Variants in ADHFE1 observed in about 807,000 individuals in gnomAD.
The protein encoded by ADHFE1 is hydroxyacid-oxoacid transhydrogenase, mitochondrial.
In ADHFE1, 37 loss-of-function variants were observed where a neutral mutation model predicts 54.8. The observed-to-expected ratio is 0.68, with a 90% CI of 0.52 to 0.89. The LOEUF (loss-of-function observed/expected upper bound fraction) is 0.89, where lower values mean the gene tolerates loss of function less well. Among genes scored for constraint, ADHFE1 ranks in the 40% least tolerant of loss-of-function variants. ADHFE1 has a pLI of 0.00. For synonymous variants in ADHFE1, 203 were observed against 229.3 expected (o/e 0.89, Z 1.04); for missense variants, 601 against 591.2 (o/e 1.02, Z -0.17).
intron 3 of ADHFE1, among the ~76,000 whole-genome samples, chr8:66,443,060 T>C (rs1392418457): frequency 6.6e-6 from 1 of 152,160 alleles, no homozygotes; most frequent in African/African-American, 2.4e-5. Context: ...GCTGTCTTTG[T>C]AGAGTCACTA....
Position 66,460,374 on chromosome 8 carries a change from T to A in ADHFE1, c.1229T>A (p.Phe410Tyr), listed in dbSNP as rs1563494875. 1.2e-6 allele frequency: 2 copies of A among 1,614,134 alleles called. No homozygotes were observed. Among genetic ancestry groups the A allele is most frequent in the Non-Finnish European group, 1.7e-6 (2 of 1,180,006 alleles). ...GLVLADTLRK[F>Y]LFDLDVDDGL... ...GTGTTGGCAGACACGCTCCGGAAAT[T>A]CTTATTCGATCTGGATGTTGATGAT... Residue 410 changes from phenylalanine to tyrosine, a missense_variant, in exon 13 of 14, where the codon TTC (phenylalanine) becomes TAC (tyrosine). Physicochemically the swap from Phe to Tyr is conservative, Grantham distance 22. Coordinates refer to ENST00000396623, the MANE Select transcript of ADHFE1 (RefSeq NM_144650.3).
At chr8:66,441,143 T>C (rs1805724348) in intron 2 of ADHFE1, among the ~76,000 whole-genome samples, 1 of 152,256 alleles carries the variant, frequency 6.6e-6, no homozygotes, top group Non-Finnish European at 1.5e-5. Context: ...ATTTCCTATT[T>C]GAGGGAATAA....
chr8:66,458,868 G>A (rs1182083804), intron 12 of ADHFE1, among the ~76,000 whole-genome samples: 2 of 151,962 alleles, frequency 1.3e-5, no homozygotes, highest in Non-Finnish European at 2.9e-5. Context: ...GTGTTTTATG[G>A]CAGTATTCCC....
rs954535872 is a variant in ADHFE1 at position 66,439,439 on chromosome 8, C to A, written c.60-723C>A. On this transcript the variant is annotated intron_variant, in intron 1 of 13. Coordinates refer to ENST00000396623, the MANE Select transcript of ADHFE1 (RefSeq NM_144650.3). This position sits in a 1 kb window ranked among gnomAD's most constrained non-coding sequence, Gnocchi z 4.4. ...GAGACGACCAGGACAGGAAGAGGGA[C>A]CACAGCCAGGGGAGGGAGGGTTTCC... 62 of 985,950 alleles carry A rather than the reference C, an allele frequency of 6.3e-5. No individual in the cohort carries two copies. Among genetic ancestry groups the A allele is most frequent in the Middle Eastern group, 5.1e-4 (1 of 1,942 alleles). 61.1% of individuals were successfully genotyped at this position (985,950 alleles called of 1,614,324 possible).
chr8:66,438,343 G>A (rs1405847861), intron 1 of ADHFE1, among the ~76,000 whole-genome samples: 2 of 152,114 alleles, frequency 1.3e-5, no homozygotes, highest in African/African-American at 4.8e-5. Flanking sequence ...TGAGGGAGGA[G>A]GAAGGGTCAG....
chr8:66,456,473 T>C (rs1806589421), intron 10 of ADHFE1, among the ~76,000 whole-genome samples: 1 of 152,210 alleles, frequency 6.6e-6, no homozygotes, highest in Non-Finnish European at 1.5e-5. Flanking sequence ...AGAAAACACA[T>C]GCCCAGAGCT....
At chr8:66,438,830 G>A (rs1805593590) in intron 1 of ADHFE1, among the ~76,000 whole-genome samples, 1 of 150,704 alleles carries the variant, frequency 6.6e-6, no homozygotes, top group African/African-American at 2.5e-5. Context: ...GTAAGAAGTA[G>A]AAATAATGAA....
In ADHFE1 at chr8:66,445,125, A is replaced by AC; in HGVS notation, c.354-89dup. 4 of 1,257,292 alleles carry AC rather than the reference A, an allele frequency of 3.2e-6. No individual in the cohort carries two copies. In the South Asian group the frequency reaches 6.3e-5, roughly 20 times the overall value. 77.9% of individuals were successfully genotyped at this position (1,257,292 alleles called of 1,614,324 possible). On this transcript the variant is annotated intron_variant, in intron 5 of 13. Coordinates refer to ENST00000396623, the MANE Select transcript of ADHFE1 (RefSeq NM_144650.3). ...CAAAAAAAAAACAAAAACAAAAAAA[A>AC]CCCCACAAAACTTACCCCAAGCCTT...
At chr8:66,436,477 A>G (rs1205471342) in intron 1 of ADHFE1, among the ~76,000 whole-genome samples, 1 of 152,144 alleles carries the variant, frequency 6.6e-6, no homozygotes, top group African/African-American at 2.4e-5. Flanking sequence ...GGGTGACCCC[A>G]AGATTCTCCG....
At chr8:66,440,317 A>T (rs900355715) in intron 2 of ADHFE1, 118 bp downstream of exon 2, 1 of 910,396 alleles carries the variant, frequency 1.1e-6, no homozygotes, top group East Asian at 2.4e-5. Flanking sequence ...GTCCATGAAA[A>T]CAGTTACCAT....
intron 13 of ADHFE1, among the ~76,000 whole-genome samples, chr8:66,460,858 G>T (rs1806862649): frequency 6.6e-6 from 1 of 152,164 alleles, no homozygotes; most frequent in Non-Finnish European, 1.5e-5. Context: ...ATTTTCCATT[G>T]TAAAAGAGTT....
In ADHFE1 at chr8:66,457,051, G is replaced by A. The variant is rs967556164; in HGVS notation, c.1066-19G>A. The A allele has an allele frequency of 6.8e-6, 11 of 1,606,668 alleles. No homozygotes were observed. The highest frequency in any genetic ancestry group is 4.0e-5 in the African/African-American group (3 of 74,642). On this transcript the variant is annotated intron_variant, in intron 11 of 13. Coordinates refer to ENST00000396623, the MANE Select transcript of ADHFE1 (RefSeq NM_144650.3). The stretch of plus-strand genomic sequence containing the variant: ...ACAGCTTTGTCATCTGCCGGTCACC[G>A]CATTTCGTTTCTCCCCAGCCCCATG...
At chr8:66,447,476 G>A (rs543492645) in intron 7 of ADHFE1, 135 bp downstream of exon 7, 20 of 710,056 alleles carry the variant, frequency 2.8e-5, no homozygotes, top group Admixed American at 2.7e-4. Flanking sequence ...GCAAGGTGAC[G>A]AAAGTCAGCA....
rs764883119 is a variant in ADHFE1, at chr8:66,445,349, A to G, written c.485A>G (p.Asp162Gly). ...TCCAGCCCTCATTCTGATTTCCTAG[A>G]TTATGTCAGTGCCCCCATTGGCAAG... ...YASSPHSDFLDYVSAPIGKGK... is the reference protein window; with the variant it reads ...YASSPHSDFLGYVSAPIGKGK... Residue 162 changes from aspartate (D) to glycine (G), a missense_variant, in exon 6 of 14, where the codon GAT (aspartate) becomes GGT (glycine). Physicochemically the swap from Asp to Gly is moderately conservative, Grantham distance 94. Coordinates refer to ENST00000396623, the MANE Select transcript of ADHFE1 (RefSeq NM_144650.3). 1.2e-6 allele frequency: 2 copies of G among 1,613,950 alleles called. No homozygotes were observed. Among genetic ancestry groups the G allele is most frequent in the Non-Finnish European group, 1.7e-6 (2 of 1,179,982 alleles).
At chr8:66,463,283 AT>A (rs1806999692) in intron 13 of ADHFE1, among the ~76,000 whole-genome samples, 5 of 152,324 alleles carry the variant, frequency 3.3e-5, no homozygotes, top group Non-Finnish European at 5.9e-5. Context: ...AGATAGCAAA[AT>A]CTTAATTGGA....
intron 5 of ADHFE1, 83 bp from the exon 6 acceptor site, chr8:66,445,135 A>G: frequency 1.5e-6 from 2 of 1,349,266 alleles, no homozygotes; most frequent in Non-Finnish European, 2.0e-6. Context: ...ACCCCACAAA[A>G]CTTACCCCAA....
chr8:66,433,751 T>C (rs541246874), intron 1 of ADHFE1, among the ~76,000 whole-genome samples: 1 of 152,356 alleles, frequency 6.6e-6, no homozygotes, highest in East Asian at 1.9e-4. Flanking sequence ...AAGAATTACA[T>C]GGCCAAATAA....
intron 13 of ADHFE1, among the ~76,000 whole-genome samples, chr8:66,467,158 T>C (rs373040045): frequency 6.6e-6 from 1 of 152,134 alleles, no homozygotes; most frequent in Non-Finnish European, 1.5e-5. Context: ...TGGATTCCGG[T>C]TGTGGTACCA....
chr8:66,463,206 C>G (rs1158201925), intron 13 of ADHFE1, among the ~76,000 whole-genome samples: 1 of 152,206 alleles, frequency 6.6e-6, no homozygotes, highest in Non-Finnish European at 1.5e-5. Flanking sequence ...TAAATTAACA[C>G]TAAAATAGCA....
Sources: allele counts gnomAD v4.1 joint callset (sites outside exome capture counted in the v4.1 genomes callset), GRCh38; gene constraint gnomAD v4.1.1; non-coding constraint Gnocchi (gnomAD v3.1); transcripts MANE v1.5; gene names NCBI Gene and HGNC (gene_info 2026-07-23, HGNC 2026-07-21).